SLC5A4: variants seen among roughly 807,000 people sequenced by gnomAD.
SLC5A4 encodes the protein probable glucose sensor protein SLC5A4.
In SLC5A4, 55 loss-of-function variants were observed where a neutral mutation model predicts 70.3. The observed-to-expected ratio is 0.78, with a 90% CI of 0.63 to 0.98. The LOEUF is 0.98. SLC5A4 is among the 50% of genes least tolerant of loss of function. The probability of loss-of-function intolerance (pLI) is 0.00; values close to 1 mark genes in which losing one functional copy is unlikely to be tolerated. For missense variants in SLC5A4, 735 were observed against 839.2 expected, an observed-to-expected ratio of 0.88 and a Z score of 1.53; for synonymous variants, 268 against 305.7, an observed-to-expected ratio of 0.88 and a Z score of 1.29.
intron 3 of SLC5A4, among the ~76,000 whole-genome samples, chr22:32,249,960 A>G (rs867040669): frequency 1.1e-4 from 17 of 152,248 alleles, no homozygotes; most frequent in African/African-American, 3.6e-4. Context: ...GTGTGGTCCA[A>G]GATAATTCTT....
the SLC5A4 span, chr22:32,285,221 C>G: frequency 6.6e-6 from 1 of 151,972 alleles, no homozygotes. Context: ...CTAAGTCTTC[C>G]TCTATTGATA....
intron 4 of SLC5A4, among the ~76,000 whole-genome samples, chr22:32,247,739 T>C (rs925058106): frequency 2.0e-5 from 3 of 152,174 alleles, no homozygotes; most frequent in Admixed American, 6.5e-5. Flanking sequence ...GACCCCCCCA[T>C]GGATAACTCC....
At chr22:32,289,172 T>A in the SLC5A4 span, among the ~76,000 whole-genome samples, 18,349 of 152,236 alleles carry the variant, frequency 0.12, 1,504 homozygotes, top group Non-Finnish European at 0.19. Flanking sequence ...TGTTTTTATC[T>A]TGAATGGCTG....
the SLC5A4 span, among the ~76,000 whole-genome samples, chr22:32,325,160 G>A: frequency 7.2e-5 from 11 of 152,320 alleles, no homozygotes; most frequent in Admixed American, 3.3e-4. Context: ...TTGGCCCCTC[G>A]CACTAGGCCT....
chr22:32,340,035 A>C, the SLC5A4 span, among the ~76,000 whole-genome samples: 1 of 152,252 alleles, frequency 6.6e-6, no homozygotes, highest in African/African-American at 2.4e-5. Flanking sequence ...AAGTAAAGGC[A>C]GAGAAGTTGC....
At chr22:32,225,558 A>C in intron 12 of SLC5A4, 97 bp downstream of exon 12, 1 of 761,870 alleles carries the variant, frequency 1.3e-6, no homozygotes. Flanking sequence ...CATGATTTGC[A>C]TAAATAGGGG....
the SLC5A4 span, among the ~76,000 whole-genome samples, chr22:32,317,934 T>C: frequency 6.6e-6 from 1 of 152,244 alleles, no homozygotes; most frequent in Admixed American, 6.5e-5. Context: ...AACAGGCTTT[T>C]CTTCCAACTT....
At chr22:32,337,552 G>GAA in the SLC5A4 span, among the ~76,000 whole-genome samples, 3 of 151,982 alleles carry the variant, frequency 2.0e-5, no homozygotes, top group South Asian at 4.2e-4. Context: ...AAAAAGAAAA[G>GAA]AAAAAAGAAA....
chr22:32,275,968 T>A, the SLC5A4 span, among the ~76,000 whole-genome samples: 1 of 152,228 alleles, frequency 6.6e-6, no homozygotes, highest in African/African-American at 2.4e-5. Context: ...TGATGGCCAG[T>A]GATAATGAGC....
chr22:32,350,524 T>G, the SLC5A4 span, among the ~76,000 whole-genome samples: 1 of 152,204 alleles, frequency 6.6e-6, no homozygotes, highest in East Asian at 1.9e-4. Context: ...TTAATATTAC[T>G]CAATCTTAAA....
chr22:32,236,317 G>A (rs932404455), intron 7 of SLC5A4, among the ~76,000 whole-genome samples: 5 of 152,132 alleles, frequency 3.3e-5, no homozygotes, highest in African/African-American at 7.2e-5. Context: ...ATTGCTTGAC[G>A]GCAATGAACT....
upstream of SLC5A4, among the ~76,000 whole-genome samples, chr22:32,256,188 G>A (rs1927478170): frequency 6.6e-6 from 1 of 151,998 alleles, no homozygotes; most frequent in Non-Finnish European, 1.5e-5. Flanking sequence ...CACACGTATG[G>A]TCCCAGCTAC....
At chr22:32,255,114 C>A in intron 1 of SLC5A4, 81 bp downstream of exon 1, 1 of 1,346,104 alleles carries the variant, frequency 7.4e-7, no homozygotes. Context: ...AAAGCTTTGT[C>A]ACAACCACAC....
chr22:32,279,934 C>T, the SLC5A4 span, among the ~76,000 whole-genome samples: 1 of 152,160 alleles, frequency 6.6e-6, no homozygotes, highest in Non-Finnish European at 1.5e-5. Flanking sequence ...AGGGGCTGCT[C>T]AAGGGTGATG....
the SLC5A4 span, among the ~76,000 whole-genome samples, chr22:32,350,704 G>A: frequency 6.6e-6 from 1 of 151,598 alleles, no homozygotes; most frequent in Non-Finnish European, 1.5e-5. Flanking sequence ...ATTTAGACAC[G>A]TCTTCAAAAT....
At chr22:32,351,304 C>A in the SLC5A4 span, among the ~76,000 whole-genome samples, 17 of 152,142 alleles carry the variant, frequency 1.1e-4, no homozygotes, top group Admixed American at 6.5e-5. Flanking sequence ...TAACTACTTA[C>A]AACGAATTAA....
At chr22:32,304,241 C>G in the SLC5A4 span, among the ~76,000 whole-genome samples, 1 of 152,188 alleles carries the variant, frequency 6.6e-6, no homozygotes, top group Admixed American at 6.5e-5. Context: ...ATTCTCCTGC[C>G]TCAGCCTCCC....
chr22:32,278,018 G>GACAA, the SLC5A4 span, among the ~76,000 whole-genome samples: 1 of 151,756 alleles, frequency 6.6e-6, no homozygotes, highest in African/African-American at 2.4e-5. Context: ...AAAGCAGACA[G>GACAA]CTTTGGTGAA....
the SLC5A4 span, among the ~76,000 whole-genome samples, chr22:32,308,930 A>C: frequency 7.9e-5 from 12 of 152,216 alleles, no homozygotes; most frequent in Admixed American, 7.8e-4. Context: ...CAGGTCTGTT[A>C]TTCCTTCCTT....
Sources: allele counts gnomAD v4.1 joint callset (sites outside exome capture counted in the v4.1 genomes callset), GRCh38; gene constraint gnomAD v4.1.1; transcripts MANE v1.5; gene names NCBI Gene and HGNC (gene_info 2026-07-23, HGNC 2026-07-21).